The following TSHZ2 variants were observed in gnomAD, a reference collection of about 807,000 sequenced individuals.
The protein encoded by TSHZ2 is teashirt zinc finger homeobox 2.
A neutral mutation model predicts 74.4 loss-of-function variants in TSHZ2; 21 were observed. The ratio of observed to expected loss-of-function variants is 0.28; its 90% CI spans 0.20 to 0.41. TSHZ2 has a LOEUF of 0.41. TSHZ2 is among the 10% of genes least tolerant of loss of function. The pLI is 1.00. For synonymous variants in TSHZ2, 540 were observed against 515.3 expected, an observed-to-expected ratio of 1.05 and a Z score of -0.65; for missense variants, 1,244 against 1,293.5, an observed-to-expected ratio of 0.96 and a Z score of 0.59.
At chr20:53,098,555 A>G (rs1986124686) in intron 1 of TSHZ2, among the ~76,000 whole-genome samples, 1 of 152,204 alleles carries the variant, frequency 6.6e-6, no homozygotes, top group Non-Finnish European at 1.5e-5. Context: ...TAATACTGCA[A>G]ATGTTTAATG....
chr20:53,276,263 C>T (rs1224036960), intron 2 of TSHZ2, among the ~76,000 whole-genome samples: 2 of 151,276 alleles, frequency 1.3e-5, no homozygotes, highest in African/African-American at 4.9e-5. Context: ...TTTTTGGAAC[C>T]ACTTTTTTAG....
chr20:53,155,630 A>G (rs73146630), intron 1 of TSHZ2, among the ~76,000 whole-genome samples: 24,494 of 151,852 alleles, frequency 0.16, 2,297 homozygotes, highest in Admixed American at 0.21. Context: ...AATGCACAAT[A>G]TCTTCCCACT....
intron 2 of TSHZ2, among the ~76,000 whole-genome samples, chr20:53,320,082 C>T (rs1213726192): frequency 6.6e-6 from 1 of 152,204 alleles, no homozygotes; most frequent in Non-Finnish European, 1.5e-5. Flanking sequence ...CCATCATCAT[C>T]ACTGCCAACA....
intron 1 of TSHZ2, among the ~76,000 whole-genome samples, chr20:53,060,526 T>C (rs1052136130): frequency 1.3e-5 from 2 of 152,202 alleles, no homozygotes; most frequent in East Asian, 3.8e-4. Context: ...GACACAAGTA[T>C]TGACAGAATA....
intron 2 of TSHZ2, among the ~76,000 whole-genome samples, chr20:53,344,003 G>A (rs1408046979): frequency 6.6e-6 from 1 of 152,174 alleles, no homozygotes; most frequent in Non-Finnish European, 1.5e-5. Flanking sequence ...GAGTATTTCT[G>A]CCAGAGGGTC....
At chr20:53,317,923 A>G (rs779727027) in intron 2 of TSHZ2, among the ~76,000 whole-genome samples, 1 of 152,214 alleles carries the variant, frequency 6.6e-6, no homozygotes, top group Non-Finnish European at 1.5e-5. Flanking sequence ...AACAATGTCT[A>G]TGGCCTCAAC....
intron 2 of TSHZ2, among the ~76,000 whole-genome samples, chr20:53,465,186 A>C (rs1440251469): frequency 6.6e-6 from 1 of 152,242 alleles, no homozygotes; most frequent in Non-Finnish European, 1.5e-5. Flanking sequence ...GGAGAAAGTA[A>C]GAACTCATAT....
chr20:53,217,867 C>A (rs16997753), intron 1 of TSHZ2, among the ~76,000 whole-genome samples: 1 of 148,208 alleles, frequency 6.7e-6, no homozygotes. Flanking sequence ...TTTATCCTCA[C>A]CTTTGCAAAC....
intron 1 of TSHZ2, among the ~76,000 whole-genome samples, chr20:53,027,490 G>C (rs1368495511): frequency 6.6e-6 from 1 of 152,174 alleles, no homozygotes. Flanking sequence ...CCAGATAGTG[G>C]AGAGGGGAAG....
intron 2 of TSHZ2, among the ~76,000 whole-genome samples, chr20:53,276,937 A>T (rs1334630086): frequency 1.3e-5 from 2 of 152,214 alleles, no homozygotes; most frequent in Admixed American, 1.3e-4. Context: ...ACTGCACAAA[A>T]TCAAGTCAAA....
intron 1 of TSHZ2, among the ~76,000 whole-genome samples, chr20:53,167,784 T>G (rs928700824): frequency 6.6e-6 from 1 of 152,324 alleles, no homozygotes; most frequent in African/African-American, 2.4e-5. Flanking sequence ...CAATGCACGC[T>G]CCCACTGGGT....
intron 2 of TSHZ2, among the ~76,000 whole-genome samples, chr20:53,386,954 TA>T: frequency 6.6e-6 from 1 of 152,140 alleles, no homozygotes; most frequent in African/African-American, 2.4e-5. Context: ...GAAAGGGATA[TA>T]AATTCTTTTT....
At chr20:53,346,026 A>C (rs1172664535) in intron 2 of TSHZ2, among the ~76,000 whole-genome samples, 1 of 152,196 alleles carries the variant, frequency 6.6e-6, no homozygotes, top group Admixed American at 6.5e-5. Flanking sequence ...AATCCTTTGC[A>C]GAAAAAGTCA....
At position 53,389,244 on chromosome 20, in the gene TSHZ2, C is replaced by G. The variant is rs889225277; in HGVS notation, c.*9-97900C>G. Among the ~76,000 whole-genome samples, 3 of 152,210 alleles carry G rather than the reference C, an allele frequency of 2.0e-5. No individual in the cohort carries two copies. In the East Asian group the frequency reaches 5.8e-4, roughly 29 times the overall value. Reference sequence around the variant, plus strand: ...ATCAGCACTCGTAAAAATGACCAAACAGAGTTAACTCTGCAATATCATTCA... The same window carrying G: ...ATCAGCACTCGTAAAAATGACCAAAGAGAGTTAACTCTGCAATATCATTCA... On this transcript the variant is annotated intron_variant, in intron 2 of 2. Coordinates refer to ENST00000371497, the MANE Select transcript of TSHZ2 (RefSeq NM_173485.6).
intron 2 of TSHZ2, among the ~76,000 whole-genome samples, chr20:53,264,151 T>G (rs991529350): frequency 6.6e-6 from 1 of 152,274 alleles, no homozygotes; most frequent in Non-Finnish European, 1.5e-5. Context: ...ATCCTTATGA[T>G]ATTTAGTCAA....
intron 2 of TSHZ2, among the ~76,000 whole-genome samples, chr20:53,465,053 G>A (rs2145822628): frequency 6.6e-6 from 1 of 152,280 alleles, no homozygotes; most frequent in South Asian, 2.1e-4. Flanking sequence ...TTCAGGAAAG[G>A]GCAGGGGAGC....
intron 1 of TSHZ2, among the ~76,000 whole-genome samples, chr20:53,072,999 CTCCCTCCA>C: frequency 7.1e-6 from 1 of 140,920 alleles, no homozygotes; most frequent in African/African-American, 2.7e-5. Flanking sequence ...TCATCCATCC[CTCCCTCCA>C]TCCATCCCTC....
intron 2 of TSHZ2, among the ~76,000 whole-genome samples, chr20:53,349,903 G>A (rs1475078629): frequency 6.6e-6 from 1 of 152,130 alleles, no homozygotes; most frequent in East Asian, 1.9e-4. Context: ...AAAAATTAAG[G>A]TGTCAGCAGA....
At chr20:53,001,508 G>A (rs1037420373) in intron 1 of TSHZ2, among the ~76,000 whole-genome samples, 3 of 152,070 alleles carry the variant, frequency 2.0e-5, no homozygotes, top group African/African-American at 4.8e-5. Context: ...AGGAAAATAG[G>A]AGAAAGGAAG....
Sources: gnomAD v4.1 joint callset for allele counts (sites outside exome capture counted in the v4.1 genomes callset) on GRCh38, gnomAD v4.1.1 for gene constraint, MANE v1.5 for transcripts, NCBI Gene and HGNC (gene_info 2026-07-23, HGNC 2026-07-21) for gene names.